The following AHSA1 variants were observed in gnomAD, a reference collection of about 807,000 sequenced individuals.
The protein encoded by AHSA1 is activator of 90 kDa heat shock protein ATPase homolog 1.
In AHSA1, 14 loss-of-function variants were observed where a neutral mutation model predicts 46.1. That is an observed-to-expected ratio of 0.30 (90% CI 0.20 to 0.47). AHSA1 has a LOEUF of 0.47. Among genes scored for constraint, AHSA1 ranks in the 20% least tolerant of loss-of-function variants. The pLI is 0.99. For synonymous variants in AHSA1, 147 were observed against 145.8 expected, an observed-to-expected ratio of 1.01 and a Z score of -0.06; for missense variants, 333 against 415.9, an observed-to-expected ratio of 0.80 and a Z score of 1.73.
chr14:77,467,246 A>T (rs995585428), intron 6 of AHSA1, among the ~76,000 whole-genome samples: 3 of 152,050 alleles, frequency 2.0e-5, no homozygotes, highest in African/African-American at 7.2e-5. Flanking sequence ...AAAAAATACA[A>T]AAATTAGCCA....
At chr14:77,465,768 A>G (rs7146784) in intron 6 of AHSA1, 101 bp downstream of exon 6, 623,903 of 1,230,316 alleles carry the variant, frequency 0.51, 166,756 homozygotes, top group East Asian at 0.93. Flanking sequence ...GGTACTCACA[A>G]ACTCACAACT....
chr14:77,459,952 A>C, intron 2 of AHSA1, 146 bp downstream of exon 2: 1 of 850,222 alleles, frequency 1.2e-6, no homozygotes, highest in Middle Eastern at 2.7e-4. Flanking sequence ...AGCAGTATCG[A>C]GTCCTGGAAT....
chr14:77,464,189 C>T (rs1250906779), intron 4 of AHSA1, among the ~76,000 whole-genome samples: 1 of 152,048 alleles, frequency 6.6e-6, no homozygotes, highest in Non-Finnish European at 1.5e-5. Context: ...CCATCCTGGC[C>T]AACATGGTGA....
intron 2 of AHSA1, among the ~76,000 whole-genome samples, chr14:77,461,459 G>A (rs1446388069): frequency 1.3e-5 from 2 of 152,162 alleles, no homozygotes; most frequent in African/African-American, 4.8e-5. Context: ...GAACCTGGGA[G>A]GTGGAGGTTG....
chr14:77,459,944 C>G lies in AHSA1; in HGVS notation c.271+138C>G, dbSNP rs568788610. The G allele has an allele frequency of 1.9e-5, 17 of 912,584 alleles. No homozygotes were observed. The African/African-American group carries it at 2.5e-4, about 13-fold the overall frequency. 56.5% of individuals were successfully genotyped at this position (912,584 alleles called of 1,614,324 possible). A position where few individuals can be genotyped will look rare whatever the true frequency, so the allele number is the denominator to read the frequency against. On this transcript the variant is annotated intron_variant, in intron 2 of 8. Transcript: ENST00000216479. ...TGCTGCTTTGGAGTCCTATGTAAAG[C>G]AGTATCGAGTCCTGGAATTTCTTTG...
At chr14:77,462,331 C>T in intron 3 of AHSA1, 89 bp downstream of exon 3, 1 of 1,318,696 alleles carries the variant, frequency 7.6e-7, no homozygotes, top group Non-Finnish European at 1.1e-6. Flanking sequence ...ATTCATAGCC[C>T]AGGCTTGGTC....
chr14:77,468,721 C>CTTTTTTTTTTTTTTTTTTTTT (rs572116649), intron 8 of AHSA1: 9 of 224,430 alleles, frequency 4.0e-5, no homozygotes, highest in African/African-American at 1.4e-4. Flanking sequence ...ACCATGCCAG[C>CTTTTTTTTTTTTTTTTTTTTT]TTTTTTTTTT....
Position 77,468,049 on chromosome 14 carries a change from C to CTTTTTTTTTTTTTTTTTTTTTTTTTTTTT in AHSA1, c.691-33_691-32insTTTTTTTTTTTTTTTTTTTTTTTTTTTTT, listed in dbSNP as rs150175578. The stretch of plus-strand genomic sequence containing the variant: ...CCACTGAAAGCCATGTATCTTCTGC[C>CTTTTTTTTTTTTTTTTTTTTTTTTTTTTT]TCTTTTTTTTTTTTTTTTTTTTTTT... On this transcript the variant is annotated intron_variant, in intron 6 of 8. Coordinates refer to ENST00000216479, the MANE Select transcript of AHSA1 (RefSeq NM_012111.3). 4.4e-6 allele frequency: 3 copies of CTTTTTTTTTTTTTTTTTTTTTTTTTTTTT among 680,638 alleles called. 1 individual carries two copies. 42.2% of individuals were successfully genotyped at this position (680,638 alleles called of 1,614,324 possible).
At chr14:77,458,083 G>A, upstream of AHSA1, 1 of 988,192 alleles carries the variant, frequency 1.0e-6, no homozygotes. Context: ...AGGTGCTTGC[G>A]GCCGCTTCTA....
intron 1 of AHSA1, among the ~76,000 whole-genome samples, chr14:77,458,547 C>T (rs536443703): frequency 6.6e-6 from 1 of 152,334 alleles, no homozygotes; most frequent in Non-Finnish European, 1.5e-5. Context: ...CTGCATCCAG[C>T]CCGAGCAGGG....
At chr14:77,467,800 T>C (rs539023651) in intron 6 of AHSA1, among the ~76,000 whole-genome samples, 2 of 152,372 alleles carry the variant, frequency 1.3e-5, no homozygotes, top group South Asian at 2.1e-4. Context: ...GAATTTTCTT[T>C]CATAAGCTCA....
At chr14:77,459,844 T>G in intron 2 of AHSA1, 38 bp downstream of exon 2, 1 of 1,608,980 alleles carries the variant, frequency 6.2e-7, no homozygotes, top group South Asian at 1.1e-5. Context: ...ATTAACTGTG[T>G]TTTGTTTAAC....
Position 77,467,950 on chromosome 14 carries a change from A to G in AHSA1, c.691-133A>G, listed in dbSNP as rs185581555. 1.1e-3 allele frequency: 695 copies of G among 625,288 alleles called. 11 individuals carry two copies. In the African/African-American group the frequency reaches 0.011, roughly 10 times the overall value. 38.7% of individuals were successfully genotyped at this position (625,288 alleles called of 1,614,324 possible). Reference sequence around the variant, plus strand: ...AAAACAGAATAGAGGGACACCCTGGACCCGCCTGTGGGGCAGACTGGTGGA... The same window carrying G: ...AAAACAGAATAGAGGGACACCCTGGGCCCGCCTGTGGGGCAGACTGGTGGA... On this transcript the variant is annotated intron_variant, in intron 6 of 8. Transcript: ENST00000216479.
At chr14:77,467,990 C>T (rs987310976) in intron 6 of AHSA1, 93 bp from the exon 7 acceptor site, 13 of 850,714 alleles carry the variant, frequency 1.5e-5, no homozygotes, top group Non-Finnish European at 2.1e-5. Flanking sequence ...AGAGTTGAGG[C>T]ATGCAGCCTT....
At position 77,468,188 on chromosome 14, in the gene AHSA1, A is replaced by C. The variant is rs1388556780; in HGVS notation, c.792+4A>C. On this transcript the variant is annotated splice_donor_region_variant and intron_variant, in intron 7 of 8. Transcript: ENST00000216479. Reference sequence around the variant, plus strand: ...CTCTGGGGAATTTACTGATCTGGTGAGTACCTGCCGGCCCTAGACTCAGGT... The same window carrying C: ...CTCTGGGGAATTTACTGATCTGGTGCGTACCTGCCGGCCCTAGACTCAGGT... The C allele has an allele frequency of 1.3e-6, 2 of 1,545,252 alleles. No homozygotes were observed. The highest frequency in any genetic ancestry group is 1.4e-5 in the African/African-American group (1 of 72,992).
At position 77,469,096 on chromosome 14, in the gene AHSA1, C is replaced by T; in HGVS notation, c.864C>T (p.Thr288=). ...TCCCAGGACACTTTGCCACCATCAC[C>T]TTGACCTTCATCGACAAGAACGGAG... ...SWPEGHFATI[T]LTFIDKNGET... Residue 288 remains threonine (T), a synonymous_variant, in exon 9 of 9, where the codon ACC becomes ACT. Transcript: ENST00000216479. 1 of 1,614,160 alleles carries T rather than the reference C, an allele frequency of 6.2e-7. No homozygotes were observed. The highest frequency in any genetic ancestry group is 8.5e-7 in the Non-Finnish European group (1 of 1,180,014).
At chr14:77,460,370 GGAGTAT>G (rs960270571) in intron 2 of AHSA1, among the ~76,000 whole-genome samples, 1 of 151,628 alleles carries the variant, frequency 6.6e-6, no homozygotes, top group Non-Finnish European at 1.5e-5. Flanking sequence ...TAAAGCTAAG[GGAGTAT>G]GAGATAGCTA....
In AHSA1 at chr14:77,468,461, C is replaced by T; in HGVS notation, c.797C>T (p.Pro266Leu). ...NVSGEFTDLV[P>L]EKHIVMKWRF... ...TGAGCTGTTTGATTATTTTAGGTCC[C>T]TGAGAAACATATTGTGATGAAGTGG... Residue 266 changes from proline to leucine, a missense_variant, in exon 8 of 9, where the codon CCT (proline) becomes CTT (leucine). Pro to Leu is a moderately conservative substitution (Grantham distance 98). Coordinates refer to ENST00000216479, the MANE Select transcript of AHSA1 (RefSeq NM_012111.3). The T allele has an allele frequency of 6.2e-7, 1 of 1,613,068 alleles. No homozygotes were observed.
intron 2 of AHSA1, among the ~76,000 whole-genome samples, chr14:77,460,647 C>T (rs2079018172): frequency 6.6e-6 from 1 of 151,056 alleles, no homozygotes; most frequent in Non-Finnish European, 1.5e-5. Context: ...CTCACTGCAA[C>T]CTCCACTTCC....
Sources: allele counts gnomAD v4.1 joint callset (sites outside exome capture counted in the v4.1 genomes callset), GRCh38; gene constraint gnomAD v4.1.1; transcripts MANE v1.5; gene names NCBI Gene and HGNC (gene_info 2026-07-23, HGNC 2026-07-21).